Variants in ITGA8 observed in about 807,000 individuals in gnomAD.
ITGA8 encodes the protein integrin subunit alpha 8.
A neutral mutation model predicts 142.3 loss-of-function variants in ITGA8; 91 were observed. That is an observed-to-expected ratio of 0.64 (90% CI 0.54 to 0.76). The LOEUF is 0.76. ITGA8 is among the 30% of genes least tolerant of loss of function. ITGA8 has a pLI of 0.00. For missense variants in ITGA8, 1,406 were observed against 1,327.7 expected (o/e 1.06, Z -0.92); for synonymous variants, 505 against 485.2 (o/e 1.04, Z -0.54).
chr10:15,644,005 C>T (rs374880142), intron 13 of ITGA8, 25 bp downstream of exon 13: 16 of 1,596,418 alleles, frequency 1.0e-5, no homozygotes, highest in South Asian at 6.7e-5. Context: ...TAGACTCTCA[C>T]GTGGGAAAAG....
At chr10:15,554,844 G>A (rs1833860766) in intron 26 of ITGA8, among the ~76,000 whole-genome samples, 1 of 151,916 alleles carries the variant, frequency 6.6e-6, no homozygotes, top group African/African-American at 2.4e-5. Flanking sequence ...TTACAAGCAT[G>A]GGGAAAGGGT....
At chr10:15,647,362 A>T (rs538299945) in intron 11 of ITGA8, among the ~76,000 whole-genome samples, 117 of 152,338 alleles carry the variant, frequency 7.7e-4, no homozygotes, top group Non-Finnish European at 1.3e-3. Flanking sequence ...CACAAAGCAA[A>T]CATATCAAGA....
intron 25 of ITGA8, among the ~76,000 whole-genome samples, chr10:15,565,516 G>T (rs1474340767): frequency 7.3e-6 from 1 of 136,534 alleles, no homozygotes; most frequent in Non-Finnish European, 1.5e-5. Context: ...ATTCCACAAA[G>T]AAATCAGGAG....
At chr10:15,570,610 CAAAAAAAAAAAAA>C (rs931457896) in intron 25 of ITGA8, among the ~76,000 whole-genome samples, 2 of 40,040 alleles carry the variant, frequency 5.0e-5, no homozygotes, top group African/African-American at 1.9e-4. Flanking sequence ...AACTCCATCT[CAAAAAAAAAAAAA>C]AAAAAAAAAA....
At chr10:15,526,848 T>C (rs1246979017) in intron 28 of ITGA8, among the ~76,000 whole-genome samples, 1 of 152,226 alleles carries the variant, frequency 6.6e-6, no homozygotes, top group Non-Finnish European at 1.5e-5. Flanking sequence ...TAATCTTACC[T>C]TCATCATGTC....
At chr10:15,678,362 A>G (rs915304191) in intron 5 of ITGA8, among the ~76,000 whole-genome samples, 2 of 152,152 alleles carry the variant, frequency 1.3e-5, no homozygotes, top group African/African-American at 2.4e-5. Flanking sequence ...TAACTGGTCA[A>G]TTACAGTTAA....
At chr10:15,539,579 G>A (rs961721929) in intron 27 of ITGA8, among the ~76,000 whole-genome samples, 1 of 152,270 alleles carries the variant, frequency 6.6e-6, no homozygotes, top group South Asian at 2.1e-4. Flanking sequence ...CTGAGATCCT[G>A]AATTGTCTGC....
intron 10 of ITGA8, among the ~76,000 whole-genome samples, chr10:15,657,967 G>A (rs763697076): frequency 1.3e-5 from 2 of 152,154 alleles, no homozygotes; most frequent in Non-Finnish European, 2.9e-5. Context: ...GTATTCGCAT[G>A]CATCTCAAAT....
At chr10:15,531,784 GAAA>G (rs34822569) in intron 27 of ITGA8, among the ~76,000 whole-genome samples, 7 of 147,180 alleles carry the variant, frequency 4.8e-5, no homozygotes, top group African/African-American at 1.8e-4. Flanking sequence ...CTAAAAACCA[GAAA>G]AAAAAAAAAT....
At chr10:15,638,058 GA>G (rs1362821276) in intron 13 of ITGA8, among the ~76,000 whole-genome samples, 1 of 151,962 alleles carries the variant, frequency 6.6e-6, no homozygotes, top group Non-Finnish European at 1.5e-5. Context: ...TAGTATAATT[GA>G]AAAAACATTA....
At chr10:15,647,695 C>T (rs1179663000) in intron 11 of ITGA8, among the ~76,000 whole-genome samples, 1 of 151,796 alleles carries the variant, frequency 6.6e-6, no homozygotes, top group Non-Finnish European at 1.5e-5. Context: ...ATCTCCTGAC[C>T]TCATGATCCA....
In ITGA8 at chr10:15,531,055, T is replaced by C. The variant is rs9333241; in HGVS notation, c.2977A>G (p.Ile993Val). 1.3e-3 allele frequency: 1,865 copies of C among 1,483,740 alleles called. 17 individuals carry two copies. In the African/African-American group the frequency reaches 0.023, roughly 18 times the overall value. 91.9% of individuals were successfully genotyped at this position (1,483,740 alleles called of 1,614,324 possible). Residue 993 changes from isoleucine (I) to valine (V), a missense_variant, in exon 28 of 30, where the codon ATA (isoleucine) becomes GTA (valine). Physicochemically the swap from Ile to Val is conservative, Grantham distance 29. Transcript: ENST00000378076. ...DQPAKLPEGS[I>V]VIKTSVIWAT... ...ATATATTTAAAGATACTCACTACTA[T>C]GCTTCCTTCTGGGAGTTTTGCTGGC... is the stretch of plus-strand genomic sequence containing the variant.
At chr10:15,663,360 A>G (rs978309909) in intron 8 of ITGA8, among the ~76,000 whole-genome samples, 4 of 152,004 alleles carry the variant, frequency 2.6e-5, no homozygotes, top group Non-Finnish European at 2.9e-5. Flanking sequence ...ATTTTATTTT[A>G]GATATTTTAG....
In ITGA8 at chr10:15,719,730, C is replaced by A; in HGVS notation, c.42G>T (p.Ala14=). Residue 14 remains alanine, a synonymous_variant, in exon 1 of 30, where the codon GCG becomes GCT. Transcript: ENST00000378076. ...CGCAGCAGAGGGGCGCGATCAGCGG[C>A]GCCTGGCTTCCCCGGGGACCGCGGC... ...GASRGPRGSQ[A]PLIAPLCCAA... The A allele has an allele frequency of 7.3e-7, 1 of 1,378,186 alleles. No homozygotes were observed. The highest frequency in any genetic ancestry group is 9.3e-7 in the Non-Finnish European group (1 of 1,073,212). 85.4% of individuals were successfully genotyped at this position (1,378,186 alleles called of 1,614,324 possible). A position where few individuals can be genotyped will look rare whatever the true frequency, so the allele number is the denominator to read the frequency against.
At chr10:15,628,578 C>T (rs565835990) in intron 13 of ITGA8, among the ~76,000 whole-genome samples, 84 of 151,870 alleles carry the variant, frequency 5.5e-4, no homozygotes, top group Middle Eastern at 3.4e-3. Context: ...ATGATCTGCT[C>T]GCCTTGGCCT....
intron 12 of ITGA8, among the ~76,000 whole-genome samples, chr10:15,644,486 A>G (rs1313147179): frequency 1.1e-4 from 1 of 9,356 alleles, no homozygotes; most frequent in African/African-American, 3.7e-4. Flanking sequence ...ATATATATAT[A>G]TATATAGAAT....
intron 26 of ITGA8, among the ~76,000 whole-genome samples, chr10:15,549,620 T>C (rs1279871277): frequency 2.0e-5 from 3 of 152,220 alleles, no homozygotes; most frequent in Admixed American, 6.5e-5. Context: ...TACTCCATCA[T>C]GGGTTTAAAT....
chr10:15,650,767 A>T (rs1005101778), intron 11 of ITGA8, among the ~76,000 whole-genome samples: 2 of 152,172 alleles, frequency 1.3e-5, no homozygotes, highest in Admixed American at 6.5e-5. Context: ...CTCATGACTA[A>T]TATTCAGAAT....
At chr10:15,646,336 A>ATTAG (rs1219457251) in intron 12 of ITGA8, among the ~76,000 whole-genome samples, 2 of 152,352 alleles carry the variant, frequency 1.3e-5, no homozygotes, top group East Asian at 3.9e-4. Context: ...CAGAAACCTA[A>ATTAG]ATGTACTTAT....
Sources: gnomAD v4.1 joint callset for allele counts (sites outside exome capture counted in the v4.1 genomes callset) on GRCh38, gnomAD v4.1.1 for gene constraint, MANE v1.5 for transcripts, NCBI Gene and HGNC (gene_info 2026-07-23, HGNC 2026-07-21) for gene names.